The following GALNT2 variants were observed in gnomAD, a reference collection of about 807,000 sequenced individuals.
GALNT2 encodes UDP-GalNAc:polypeptide N-acetylgalactosaminyltransferase 2.
GALNT2 carries 31 observed loss-of-function variants against 81.4 expected under a neutral mutation model. The observed-to-expected ratio is 0.38, with a 90% CI of 0.29 to 0.51. GALNT2 has a LOEUF of 0.51. Ranked by LOEUF, GALNT2 falls within the 20% of genes least tolerant of loss-of-function variation. The pLI is 0.87. For missense variants in GALNT2, 629 were observed against 765.7 expected (o/e 0.82, Z 2.11); for synonymous variants, 303 against 287.4 (o/e 1.05, Z -0.55).
intron 10 of GALNT2, among the ~76,000 whole-genome samples, chr1:230,253,014 T>C (rs1014454173): frequency 4.0e-5 from 6 of 151,788 alleles, no homozygotes; most frequent in Non-Finnish European, 7.4e-5. Flanking sequence ...GCCCGGCTAA[T>C]TTTTTGTATT....
intron 1 of GALNT2, among the ~76,000 whole-genome samples, chr1:230,078,047 A>G (rs1659616564): frequency 6.6e-6 from 1 of 152,224 alleles, no homozygotes; most frequent in African/African-American, 2.4e-5. Flanking sequence ...AGCATTGCCG[A>G]CGTCATTGAT....
intron 11 of GALNT2, among the ~76,000 whole-genome samples, chr1:230,256,196 C>T (rs773448936): frequency 4.6e-4 from 70 of 152,050 alleles, no homozygotes; most frequent in Non-Finnish European, 9.4e-4. Flanking sequence ...CCCAGCGTTG[C>T]GGGAGGCCGA....
intron 14 of GALNT2, among the ~76,000 whole-genome samples, chr1:230,267,028 A>G (rs769733080): frequency 2.0e-5 from 3 of 151,338 alleles, no homozygotes; most frequent in Non-Finnish European, 4.4e-5. Flanking sequence ...AATAGCACAT[A>G]TGCTCATCAC....
rs1348410244 is a variant in GALNT2 at position 230,059,004 on chromosome 1, C to T, written n.89+926C>T. Among the ~76,000 whole-genome samples the T allele has an allele frequency of 2.6e-5, 4 of 152,160 alleles. No homozygotes were observed. The East Asian group carries it at 7.7e-4, about 29-fold the overall frequency. Reference sequence around the variant, plus strand: ...GTGGGAGGGGCGTGCGAACGAGTTCCCATTATCCAATTTCAGTGTTTAATA... The same window carrying T: ...GTGGGAGGGGCGTGCGAACGAGTTCTCATTATCCAATTTCAGTGTTTAATA... On this transcript the variant is annotated intron_variant and non_coding_transcript_variant, in intron 1 of 6. Coordinates refer to the GALNT2 transcript ENST00000494106.
chr1:230,223,197 T>C (rs1664603721), intron 3 of GALNT2, among the ~76,000 whole-genome samples: 1 of 151,360 alleles, frequency 6.6e-6, no homozygotes, highest in Non-Finnish European at 1.5e-5. Context: ...TTTTCTTTTT[T>C]TTTTTTTTTA....
At chr1:230,180,545 T>A (rs369674693) in intron 2 of GALNT2, among the ~76,000 whole-genome samples, 13 of 152,158 alleles carry the variant, frequency 8.5e-5, no homozygotes, top group African/African-American at 2.9e-4. Flanking sequence ...CCGAGTAGTG[T>A]TAGTCACCTT....
chr1:230,177,658 T>C (rs1192234527), intron 1 of GALNT2, among the ~76,000 whole-genome samples: 1 of 152,208 alleles, frequency 6.6e-6, no homozygotes, highest in Non-Finnish European at 1.5e-5. Flanking sequence ...CTCTGTTTCA[T>C]TGGCAGTCCT....
intron 1 of GALNT2, among the ~76,000 whole-genome samples, chr1:230,140,073 A>T (rs561132853): frequency 1.3e-5 from 2 of 152,206 alleles, no homozygotes; most frequent in Non-Finnish European, 2.9e-5. Flanking sequence ...CGTCAGCTGT[A>T]CTGGAACTGT....
intron 3 of GALNT2, among the ~76,000 whole-genome samples, chr1:230,205,739 C>T (rs1338359626): frequency 6.6e-6 from 1 of 152,108 alleles, no homozygotes; most frequent in Non-Finnish European, 1.5e-5. Flanking sequence ...TTCACTTTTT[C>T]CAGAGGGTCC....
Position 230,279,751 on chromosome 1 carries a change from GAC to G in GALNT2, c.*296_*297del. The G allele has an allele frequency of 3.9e-6, 2 of 516,182 alleles. No homozygotes were observed. Among genetic ancestry groups the G allele is most frequent in the Non-Finnish European group, 7.4e-6 (2 of 270,428 alleles). 32.0% of individuals were successfully genotyped at this position (516,182 alleles called of 1,614,324 possible). On this transcript the variant is annotated 3_prime_UTR_variant, in exon 16 of 16. Coordinates refer to ENST00000366672, the MANE Select transcript of GALNT2 (RefSeq NM_004481.5). The surrounding 1 kb of genome is among the most constrained non-coding windows in gnomAD (Gnocchi z 4.6). ...ACTTCTGCCGGCTCCGCAACTGAGT[GAC>G]ACCCAGCGACAACCGACTGGGGAGT...
intron 1 of GALNT2, among the ~76,000 whole-genome samples, chr1:230,080,727 A>T (rs1659700927): frequency 2.0e-5 from 3 of 152,160 alleles, no homozygotes; most frequent in African/African-American, 7.2e-5. Flanking sequence ...ATTCTGGCTT[A>T]TCCAGTTAGC....
chr1:230,147,758 CG>C (rs1276457045), intron 1 of GALNT2, among the ~76,000 whole-genome samples: 2 of 152,184 alleles, frequency 1.3e-5, no homozygotes, highest in East Asian at 3.9e-4. Context: ...GCCCTCTTCC[CG>C]TTGAAGGAGA....
At chr1:230,164,708 T>C (rs940783107) in intron 1 of GALNT2, among the ~76,000 whole-genome samples, 1 of 152,186 alleles carries the variant, frequency 6.6e-6, no homozygotes, top group East Asian at 1.9e-4. Context: ...TAATTTTTTG[T>C]AGTTTTAGTA....
intron 1 of GALNT2, among the ~76,000 whole-genome samples, chr1:230,170,655 G>A (rs1408632885): frequency 6.6e-6 from 1 of 152,190 alleles, no homozygotes; most frequent in Non-Finnish European, 1.5e-5. Flanking sequence ...TCTGTAGGCT[G>A]TACAAGAAAC....
At chr1:230,137,155 G>A (rs1312399875) in intron 1 of GALNT2, among the ~76,000 whole-genome samples, 1 of 152,214 alleles carries the variant, frequency 6.6e-6, no homozygotes, top group African/African-American at 2.4e-5. Context: ...ATAAGCTTTG[G>A]GGGAGCCAAA....
At chr1:230,203,772 G>A (rs146420512) in intron 3 of GALNT2, among the ~76,000 whole-genome samples, 1 of 152,252 alleles carries the variant, frequency 6.6e-6, no homozygotes, top group East Asian at 1.9e-4. Flanking sequence ...AACACAGGAG[G>A]GACAGGTGCC....
intron 6 of GALNT2, among the ~76,000 whole-genome samples, chr1:230,237,569 C>G (rs1165797869): frequency 6.6e-6 from 1 of 152,046 alleles, no homozygotes; most frequent in Admixed American, 6.6e-5. Flanking sequence ...TTTTTCTTAC[C>G]AGGAATCTTA....
Position 230,265,303 on chromosome 1 carries a change from C to G in GALNT2, c.1376C>G (p.Thr459Ser). The G allele has an allele frequency of 6.2e-7, 1 of 1,614,208 alleles. No homozygotes were observed. The highest frequency in any genetic ancestry group is 1.3e-5 in the African/African-American group (1 of 75,036). Residue 459 changes from threonine (T) to serine (S), a missense_variant, in exon 14 of 16, where the codon ACT becomes AGT. Around this residue, in one of 3 missense-constraint regions of GALNT2, gnomAD observed 207 missense variants for 225.5 expected, o/e 0.92. Coordinates refer to ENST00000366672, the MANE Select transcript of GALNT2 (RefSeq NM_004481.5). ...CAGCAGGGAACTAACTGCCTCGACA[C>G]TTTGGGACACTTTGCTGATGGTGTG... Reference protein sequence around the residue: ...ALQQGTNCLDTLGHFADGVVG... With the variant: ...ALQQGTNCLDSLGHFADGVVG...
intron 10 of GALNT2, among the ~76,000 whole-genome samples, chr1:230,254,323 G>C (rs1285308525): frequency 6.6e-6 from 1 of 151,964 alleles, no homozygotes; most frequent in African/African-American, 2.4e-5. Context: ...AAGTAGGTGT[G>C]GGTAGTGCCT....
Sources: allele counts gnomAD v4.1 joint callset (sites outside exome capture counted in the v4.1 genomes callset), GRCh38; gene constraint gnomAD v4.1.1; regional missense constraint gnomAD v4.1.1; non-coding constraint Gnocchi (gnomAD v3.1); transcripts MANE v1.5; gene names NCBI Gene and HGNC (gene_info 2026-07-23, HGNC 2026-07-21).